TTLL11: variants seen among roughly 807,000 people sequenced by gnomAD.
TTLL11 encodes the protein tubulin polyglutamylase TTLL11.
In TTLL11, 42 loss-of-function variants were observed where a neutral mutation model predicts 51.7. The observed-to-expected ratio is 0.81, with a 90% CI of 0.64 to 1.05. TTLL11 has a LOEUF of 1.05. Ranked by LOEUF, TTLL11 falls within the 50% of genes least tolerant of loss-of-function variation. The pLI is 0.00. For missense variants in TTLL11, 799 were observed against 940.4 expected, an observed-to-expected ratio of 0.85 and a Z score of 1.97; for synonymous variants, 381 against 383.5, an observed-to-expected ratio of 0.99 and a Z score of 0.08.
chr9:121,986,592 G>T (rs749139885), intron 4 of TTLL11, among the ~76,000 whole-genome samples: 3 of 152,086 alleles, frequency 2.0e-5, no homozygotes, highest in Non-Finnish European at 2.9e-5. Flanking sequence ...AAGGCCAGGG[G>T]TCCAGTTTCT....
chr9:121,951,433 C>A (rs568383469), intron 6 of TTLL11, among the ~76,000 whole-genome samples: 1 of 152,146 alleles, frequency 6.6e-6, no homozygotes, highest in Non-Finnish European at 1.5e-5. Context: ...TTAAAACCAC[C>A]ACCATAAATA....
chr9:121,874,074 C>A (rs1264899077), intron 6 of TTLL11, among the ~76,000 whole-genome samples: 3 of 151,912 alleles, frequency 2.0e-5, no homozygotes, highest in Non-Finnish European at 4.4e-5. Flanking sequence ...CCAGGCTGGT[C>A]TCTAACTCCT....
intron 6 of TTLL11, among the ~76,000 whole-genome samples, chr9:121,967,005 A>G (rs954351781): frequency 6.6e-6 from 1 of 152,068 alleles, no homozygotes; most frequent in Non-Finnish European, 1.5e-5. Flanking sequence ...CACACGTGTC[A>G]TTTCATATCA....
chr9:121,934,548 G>A (rs925922055), intron 6 of TTLL11, among the ~76,000 whole-genome samples: 1 of 152,144 alleles, frequency 6.6e-6, no homozygotes, highest in Non-Finnish European at 1.5e-5. Context: ...AAATGTTGTT[G>A]GCTGTTTTCC....
intron 6 of TTLL11, among the ~76,000 whole-genome samples, chr9:121,879,935 A>G (rs1297481632): frequency 6.6e-6 from 1 of 152,196 alleles, no homozygotes; most frequent in Non-Finnish European, 1.5e-5. Flanking sequence ...ACTGCACTCC[A>G]GCCTGGGAGA....
At chr9:122,015,011 G>A (rs192659983) in intron 3 of TTLL11, among the ~76,000 whole-genome samples, 9 of 152,244 alleles carry the variant, frequency 5.9e-5, no homozygotes, top group East Asian at 1.9e-4. Flanking sequence ...TTGTATAACC[G>A]GGAGCAAGTA....
intron 1 of TTLL11, among the ~76,000 whole-genome samples, chr9:122,045,748 C>T (rs1474161485): frequency 1.3e-5 from 2 of 152,198 alleles, no homozygotes; most frequent in African/African-American, 4.8e-5. Flanking sequence ...TCTTCTACAA[C>T]ATGGATGTAC....
intron 1 of TTLL11, among the ~76,000 whole-genome samples, chr9:122,066,098 G>A (rs1564382594): frequency 6.6e-6 from 1 of 152,076 alleles, no homozygotes; most frequent in East Asian, 1.9e-4. Context: ...TTTCCTGGAA[G>A]CTGTAAGAAC....
At chr9:122,043,855 CTTTT>C (rs944375293) in intron 1 of TTLL11, among the ~76,000 whole-genome samples, 47 of 151,742 alleles carry the variant, frequency 3.1e-4, no homozygotes, top group Middle Eastern at 3.4e-3. Context: ...TTTTTCTTTT[CTTTT>C]TTTATTTTAT....
At chr9:121,935,421 G>C (rs1841165580) in intron 6 of TTLL11, among the ~76,000 whole-genome samples, 1 of 152,186 alleles carries the variant, frequency 6.6e-6, no homozygotes, top group African/African-American at 2.4e-5. Context: ...AGGGAACCTT[G>C]AATGTTCAAG....
intron 6 of TTLL11, 50 bp downstream of exon 6, chr9:121,973,959 G>A (rs750520662): frequency 2.1e-5 from 29 of 1,404,260 alleles, no homozygotes; most frequent in South Asian, 8.8e-5. Context: ...ATACGAAGCC[G>A]GGTTAGGAGG....
At chr9:122,050,906 T>A (rs1004641635) in intron 1 of TTLL11, among the ~76,000 whole-genome samples, 1 of 152,076 alleles carries the variant, frequency 6.6e-6, no homozygotes, top group Non-Finnish European at 1.5e-5. Context: ...TGTAGCCTCA[T>A]GAAAAAGCCT....
chr9:121,937,590 C>T (rs1162764835), intron 6 of TTLL11, among the ~76,000 whole-genome samples: 1 of 141,948 alleles, frequency 7.0e-6, no homozygotes, highest in Non-Finnish European at 1.5e-5. Flanking sequence ...TCTCTATTGG[C>T]ATATAGTAGC....
intron 6 of TTLL11, among the ~76,000 whole-genome samples, chr9:121,880,477 C>G (rs1838745194): frequency 6.6e-6 from 1 of 152,218 alleles, no homozygotes. Flanking sequence ...TCTCTATAAC[C>G]TCCCCGACTT....
intron 6 of TTLL11, among the ~76,000 whole-genome samples, chr9:121,947,816 C>T (rs1311793927): frequency 2.0e-5 from 3 of 152,174 alleles, no homozygotes; most frequent in African/African-American, 7.2e-5. Context: ...AGTACCCCCG[C>T]GGAGCTCAGC....
intron 6 of TTLL11, among the ~76,000 whole-genome samples, chr9:121,973,248 T>C (rs1280955949): frequency 6.6e-6 from 1 of 152,220 alleles, no homozygotes; most frequent in Non-Finnish European, 1.5e-5. Context: ...ATTACAAGTG[T>C]TGTAAATATC....
At chr9:121,895,317 AGT>A (rs1839419924) in intron 6 of TTLL11, among the ~76,000 whole-genome samples, 1 of 149,960 alleles carries the variant, frequency 6.7e-6, no homozygotes, top group Non-Finnish European at 1.5e-5. Flanking sequence ...TGTGTATGTG[AGT>A]GTGTGCACAG....
chr9:121,989,320 T>G lies in TTLL11; in HGVS notation c.1144A>C (p.Ile382Leu). Residue 382 changes from isoleucine to leucine, a missense_variant, in exon 4 of 9, where the codon ATC (isoleucine) becomes CTC (leucine). Coordinates refer to ENST00000321582, the MANE Select transcript of TTLL11 (RefSeq NM_001139442.2). This position sits in a 1 kb window ranked among gnomAD's most constrained non-coding sequence, Gnocchi z 4.2. ...LCRLSSKGVD[I>L]KKVWSDIISV... ...ATGATGTCAGACCAGACCTTCTTGA[T>G]GTCAACGCCTTTGGAAGACAGTCTA... 2 of 1,614,252 alleles carry G rather than the reference T, an allele frequency of 1.2e-6. No homozygotes were observed. The highest frequency in any genetic ancestry group is 1.7e-6 in the Non-Finnish European group (2 of 1,180,044).
chr9:122,003,886 G>A (rs1410847479), intron 3 of TTLL11, among the ~76,000 whole-genome samples: 2 of 151,020 alleles, frequency 1.3e-5, no homozygotes, highest in African/African-American at 4.9e-5. Flanking sequence ...GGGAGGCCGA[G>A]GTGGGTGGAT....
Sources: gnomAD v4.1 joint callset for allele counts (sites outside exome capture counted in the v4.1 genomes callset) on GRCh38, gnomAD v4.1.1 for gene constraint, Gnocchi (gnomAD v3.1) non-coding constraint, MANE v1.5 for transcripts, NCBI Gene and HGNC (gene_info 2026-07-23, HGNC 2026-07-21) for gene names.